KYNU: variants seen among roughly 807,000 people sequenced by gnomAD.
The protein encoded by KYNU is L-kynurenine hydrolase.
In KYNU, 54 loss-of-function variants were observed where a neutral mutation model predicts 59.2. That is an observed-to-expected ratio of 0.91 (90% CI 0.73 to 1.14). The LOEUF (loss-of-function observed/expected upper bound fraction) is 1.14. Among genes scored for constraint, KYNU ranks in the 50% most tolerant of loss-of-function variants. KYNU has a pLI of 0.00. For missense variants in KYNU, 567 were observed against 554.4 expected (o/e 1.02, Z -0.23); for synonymous variants, 177 against 192.0 (o/e 0.92, Z 0.65).
At chr2:142,906,503 TG>T (rs1244621390) in intron 2 of KYNU, among the ~76,000 whole-genome samples, 2 of 152,102 alleles carry the variant, frequency 1.3e-5, no homozygotes, top group African/African-American at 4.8e-5. Context: ...ATACCTAAAT[TG>T]GGAGGGGCAC....
intron 4 of KYNU, among the ~76,000 whole-genome samples, chr2:142,943,351 G>T (rs1683661932): frequency 6.6e-6 from 1 of 152,096 alleles, no homozygotes; most frequent in African/African-American, 2.4e-5. Flanking sequence ...ATTTTAAAAA[G>T]AAGTTACCAG....
intron 10 of KYNU, among the ~76,000 whole-genome samples, chr2:143,020,329 T>G (rs906362816): frequency 6.6e-6 from 1 of 152,152 alleles, no homozygotes; most frequent in African/African-American, 2.4e-5. Flanking sequence ...TGCTATGTTT[T>G]AATTTTCATT....
intron 10 of KYNU, among the ~76,000 whole-genome samples, chr2:142,995,869 G>A (rs1313052727): frequency 6.6e-6 from 1 of 151,688 alleles, no homozygotes; most frequent in East Asian, 1.9e-4. Context: ...GTGTTGTTTT[G>A]CCCACTTGTT....
chr2:142,954,320 C>T (rs1238986318), intron 4 of KYNU, among the ~76,000 whole-genome samples: 1 of 151,976 alleles, frequency 6.6e-6, no homozygotes, highest in African/African-American at 2.4e-5. Context: ...GCTGTTTTGT[C>T]TTGTTATATA....
intron 7 of KYNU, among the ~76,000 whole-genome samples, chr2:142,960,196 T>C (rs1000125035): frequency 3.3e-5 from 5 of 152,218 alleles, no homozygotes; most frequent in African/African-American, 1.2e-4. Flanking sequence ...TGTTTTCTTT[T>C]TTTGGAAACA....
At chr2:143,004,176 T>G (rs1429748077) in intron 10 of KYNU, among the ~76,000 whole-genome samples, 1 of 152,196 alleles carries the variant, frequency 6.6e-6, no homozygotes. Context: ...CCAGATATAT[T>G]CAAGTAGGGA....
In KYNU at chr2:143,042,581, C is replaced by A. The variant is rs1687085703; in HGVS notation, c.*409C>A. The A allele has an allele frequency of 6.5e-6, 1 of 154,506 alleles. No homozygotes were observed. The highest frequency in any genetic ancestry group is 3.2e-5 in the African/African-American group (1 of 31,536). 9.6% of individuals were successfully genotyped at this position (154,506 alleles called of 1,614,324 possible). A position where few individuals can be genotyped will look rare whatever the true frequency, so the allele number is the denominator to read the frequency against. The stretch of plus-strand genomic sequence containing the variant: ...AGGAGTTTCTTTGAAGCATTGTAGT[C>A]TGATATATATATATATATATATATA... On this transcript the variant is annotated 3_prime_UTR_variant, in exon 14 of 14. Coordinates refer to ENST00000264170, the MANE Select transcript of KYNU (RefSeq NM_003937.3).
chr2:142,959,562 G>C (rs1325314699), intron 7 of KYNU, among the ~76,000 whole-genome samples: 2 of 151,738 alleles, frequency 1.3e-5, no homozygotes, highest in African/African-American at 4.8e-5. Flanking sequence ...CTCCAGCCTG[G>C]GCAACAAGAG....
chr2:142,936,946 G>T (rs1236158232), intron 4 of KYNU, among the ~76,000 whole-genome samples: 1 of 152,216 alleles, frequency 6.6e-6, no homozygotes, highest in African/African-American at 2.4e-5. Context: ...AGATGAGGTG[G>T]TGTGGAGCAA....
chr2:143,012,463 A>T (rs1168937508), intron 10 of KYNU, among the ~76,000 whole-genome samples: 1 of 150,982 alleles, frequency 6.6e-6, no homozygotes, highest in South Asian at 2.1e-4. Context: ...AGCCTGGATG[A>T]CATAGCATGA....
chr2:142,953,089 G>A (rs970586085), intron 4 of KYNU, among the ~76,000 whole-genome samples: 2 of 152,114 alleles, frequency 1.3e-5, no homozygotes, highest in African/African-American at 4.8e-5. Flanking sequence ...CCCCCAAACC[G>A]GAGGAAGCTG....
rs1252151543 is a variant in KYNU, at chr2:142,976,847, A to T, written c.730-8237A>T. 2.0e-5 allele frequency among the ~76,000 whole-genome samples: 3 copies of T among 152,174 alleles called. No homozygotes were observed. The East Asian group carries it at 5.8e-4, about 29-fold the overall frequency. The stretch of plus-strand genomic sequence containing the variant: ...TACATACCAGATTTACATTGGTTTA[A>T]TCTGGAAGGGAAAGACAACTCGAAG... On this transcript the variant is annotated intron_variant, in intron 8 of 13. Coordinates refer to ENST00000264170, the MANE Select transcript of KYNU (RefSeq NM_003937.3).
intron 8 of KYNU, among the ~76,000 whole-genome samples, chr2:142,977,711 T>G (rs1217680620): frequency 6.6e-6 from 1 of 152,128 alleles, no homozygotes; most frequent in Non-Finnish European, 1.5e-5. Context: ...ATTAAATAAT[T>G]TTTGGAAAGG....
At chr2:142,917,434 T>C (rs1395658303) in intron 2 of KYNU, among the ~76,000 whole-genome samples, 1 of 151,480 alleles carries the variant, frequency 6.6e-6, no homozygotes, top group East Asian at 1.9e-4. Flanking sequence ...TTATCAGTAA[T>C]GTCCAAACCA....
At chr2:142,968,696 G>A (rs1573852922) in intron 8 of KYNU, among the ~76,000 whole-genome samples, 4 of 152,178 alleles carry the variant, frequency 2.6e-5, no homozygotes, top group East Asian at 1.9e-4. Context: ...AGTGGATTGC[G>A]TGAGCCTAGG....
intron 2 of KYNU, among the ~76,000 whole-genome samples, chr2:142,897,447 C>T (rs1681917893): frequency 6.6e-6 from 1 of 152,200 alleles, no homozygotes; most frequent in Admixed American, 6.5e-5. Flanking sequence ...ATTAGTACCA[C>T]AATTATTAAG....
At chr2:142,937,025 G>A (rs886267499) in intron 4 of KYNU, among the ~76,000 whole-genome samples, 5 of 152,170 alleles carry the variant, frequency 3.3e-5, no homozygotes, top group Non-Finnish European at 5.9e-5. Flanking sequence ...ACCAAGTGAG[G>A]ACGGGATAAA....
At chr2:142,906,057 TTCTCTTTCTCTCCTCTCTGTCTCTC>T (rs1558912961) in intron 2 of KYNU, among the ~76,000 whole-genome samples, 1 of 144,692 alleles carries the variant, frequency 6.9e-6, no homozygotes, top group Non-Finnish European at 1.5e-5. Context: ...CTCTGCCTCT[TTCTCTTTCTCTCCTCTCTGTCTCTC>T]TCTCTCTCTC....
At chr2:142,964,269 T>A (rs1472148314) in intron 8 of KYNU, among the ~76,000 whole-genome samples, 1 of 152,112 alleles carries the variant, frequency 6.6e-6, no homozygotes, top group Non-Finnish European at 1.5e-5. Flanking sequence ...CACATAAATT[T>A]TGGGGGGTAT....
Sources: allele counts gnomAD v4.1 joint callset (sites outside exome capture counted in the v4.1 genomes callset), GRCh38; gene constraint gnomAD v4.1.1; transcripts MANE v1.5; gene names NCBI Gene and HGNC (gene_info 2026-07-23, HGNC 2026-07-21).